SSX2IP: variants seen among roughly 807,000 people sequenced by gnomAD.
The protein encoded by SSX2IP is afadin- and alpha-actinin-binding protein.
SSX2IP carries 55 observed loss-of-function variants against 84.9 expected under a neutral mutation model. The ratio of observed to expected loss-of-function variants is 0.65; its 90% CI spans 0.52 to 0.81. The LOEUF is 0.81. SSX2IP is among the 30% of genes least tolerant of loss of function. SSX2IP has a pLI of 0.00. For missense variants in SSX2IP, 664 were observed against 705.2 expected (o/e 0.94, Z 0.66); for synonymous variants, 239 against 234.7 (o/e 1.02, Z -0.17).
intron 1 of SSX2IP, among the ~76,000 whole-genome samples, chr1:84,684,073 A>G (rs1655457806): frequency 6.6e-6 from 1 of 152,244 alleles, no homozygotes; most frequent in African/African-American, 2.4e-5. Flanking sequence ...TACTAAAGGC[A>G]TTGGAAATAA....
In SSX2IP at chr1:84,651,925, G is replaced by C. The variant is rs1166977102; in HGVS notation, c.1462C>G (p.Gln488Glu). 1 of 1,613,610 alleles carries C rather than the reference G, an allele frequency of 6.2e-7. No individual in the cohort carries two copies. Residue 488 changes from glutamine to glutamate, a missense_variant, in exon 12 of 14, where the codon CAG becomes GAG. Transcript: ENST00000342203. ...AAAAGTTTCACATTTTCTGAGTTCT[G>C]GTGGTCAAAGGTAGTCATATTTAGA... ...QFLNMTTFDH[Q>E]NSENVKLFSA...
intron 1 of SSX2IP, among the ~76,000 whole-genome samples, chr1:84,688,158 A>G (rs890151410): frequency 6.6e-5 from 10 of 152,242 alleles, no homozygotes; most frequent in African/African-American, 2.4e-4. Context: ...TACATAAAAC[A>G]TTGGCCCACA....
In SSX2IP at chr1:84,644,399, A is replaced by T. The variant is rs889321206; in HGVS notation, c.*3034T>A. On this transcript the variant is annotated 3_prime_UTR_variant, in exon 14 of 14. Coordinates refer to ENST00000342203, the MANE Select transcript of SSX2IP (RefSeq NM_001166293.2). ...CTTATCTGTCTTCATATCACCAAGG[A>T]TTGGAAAGCAGTAGTAAGCCTTGAC... 6.6e-6 allele frequency: 1 copy of T among 152,198 alleles called. No homozygotes were observed. The highest frequency in any genetic ancestry group is 2.4e-5 in the African/African-American group (1 of 41,446). The allele number at this position is 152,198 out of a possible 1,614,324, so 9.4% of individuals were successfully genotyped here.
At chr1:84,657,083 G>A (rs1304058736) in intron 9 of SSX2IP, among the ~76,000 whole-genome samples, 1 of 152,010 alleles carries the variant, frequency 6.6e-6, no homozygotes, top group Non-Finnish European at 1.5e-5. Context: ...TTAACACAAT[G>A]GCACTGAGTT....
intron 1 of SSX2IP, among the ~76,000 whole-genome samples, chr1:84,674,581 T>C (rs1362389175): frequency 6.6e-6 from 1 of 152,186 alleles, no homozygotes; most frequent in African/African-American, 2.4e-5. Flanking sequence ...TTTCTCCTTA[T>C]ACAGAAAGAA....
intron 9 of SSX2IP, among the ~76,000 whole-genome samples, 165 bp from the exon 10 acceptor site, chr1:84,656,649 G>A (rs1299149377): frequency 6.6e-6 from 1 of 152,022 alleles, no homozygotes; most frequent in African/African-American, 2.4e-5. Flanking sequence ...AATTTCATAA[G>A]CTATAACAAA....
At position 84,655,946 on chromosome 1, in the gene SSX2IP, C is replaced by T. The variant is rs1259291404; in HGVS notation, c.1275G>A (p.Leu425=). 1.9e-6 allele frequency: 3 copies of T among 1,613,664 alleles called. No individual in the cohort carries two copies. The highest frequency in any genetic ancestry group is 1.7e-5 in the Admixed American group (1 of 59,996). ...DTTSLLRDCY[L]LEEKERLKEE... ...CTTTGAGACGTTCCTTTTCTTCCAACAAATAACAGTCTCGTAATAGTGAAG... is the reference window on the plus strand; with the variant it reads ...CTTTGAGACGTTCCTTTTCTTCCAATAAATAACAGTCTCGTAATAGTGAAG... Residue 425 remains leucine, a synonymous_variant, in exon 11 of 14, where the codon TTG becomes TTA. Coordinates refer to ENST00000342203, the MANE Select transcript of SSX2IP (RefSeq NM_001166293.2).
intron 9 of SSX2IP, among the ~76,000 whole-genome samples, chr1:84,657,554 G>C (rs750524565): frequency 6.7e-6 from 1 of 150,188 alleles, no homozygotes; most frequent in Non-Finnish European, 1.5e-5. Flanking sequence ...CTTGATTTTT[G>C]AGAGTCAGTA....
At chr1:84,660,065 A>T (rs1651717126) in intron 8 of SSX2IP, among the ~76,000 whole-genome samples, 1 of 152,164 alleles carries the variant, frequency 6.6e-6, no homozygotes, top group African/African-American at 2.4e-5. Flanking sequence ...TTTTACAAGT[A>T]AGTAGGTCAA....
chr1:84,659,413 C>T (rs1278836199), intron 8 of SSX2IP, among the ~76,000 whole-genome samples: 1 of 152,168 alleles, frequency 6.6e-6, no homozygotes, highest in Non-Finnish European at 1.5e-5. Context: ...CCTGCCAATA[C>T]TCAAAAGCTA....
At chr1:84,655,681 G>C in intron 11 of SSX2IP, 151 bp downstream of exon 11, 1 of 1,437,724 alleles carries the variant, frequency 7.0e-7, no homozygotes, top group Non-Finnish European at 9.3e-7. Context: ...TATATGCTCA[G>C]CCTCCCTCTC....
At position 84,670,715 on chromosome 1, in the gene SSX2IP, A is replaced by C; in HGVS notation, c.144T>G (p.Asn48Lys). Residue 48 changes from asparagine to lysine, a missense_variant, in exon 3 of 14, where the codon AAT becomes AAG. By Grantham distance (94) the Asn-to-Lys change is moderately conservative. Coordinates refer to ENST00000342203, the MANE Select transcript of SSX2IP (RefSeq NM_001166293.2). ...AGAAGGCACTGAAAAAACTGTGCAC[A>C]TTTTTCGATAAAGGTATTGAAGAAC... ...VLCSSIPLSK[N>K]VHSFFSAFCT... The C allele has an allele frequency of 6.2e-7, 1 of 1,613,166 alleles. No individual in the cohort carries two copies. The highest frequency in any genetic ancestry group is 8.5e-7 in the Non-Finnish European group (1 of 1,179,378).
chr1:84,673,714 A>T (rs1479523843), intron 1 of SSX2IP, among the ~76,000 whole-genome samples: 18 of 152,198 alleles, frequency 1.2e-4, no homozygotes, highest in Admixed American at 1.2e-3. Flanking sequence ...TGTTCTGGAG[A>T]CAGAACCTTC....
At chr1:84,677,432 G>A (rs1433472276) in intron 1 of SSX2IP, among the ~76,000 whole-genome samples, 2 of 152,064 alleles carry the variant, frequency 1.3e-5, no homozygotes, top group Non-Finnish European at 2.9e-5. Context: ...CCCCAAAGAC[G>A]AAGAGGTTCT....
rs74442984 is a variant in SSX2IP, at chr1:84,684,283, C to T, written c.-90+6088G>A. Among the ~76,000 whole-genome samples, 11 of 152,244 alleles carry T rather than the reference C, an allele frequency of 7.2e-5. No individual in the cohort carries two copies. In the East Asian group the frequency reaches 9.6e-4, roughly 13 times the overall value. ...AACTTTAGTGGTGGGAGAACCTCCA[C>T]GTAATTCTGACAAAGTTTGAGAATC... On this transcript the variant is annotated intron_variant, in intron 1 of 13. Coordinates refer to ENST00000342203, the MANE Select transcript of SSX2IP (RefSeq NM_001166293.2).
Position 84,645,409 on chromosome 1 carries a change from C to A in SSX2IP, c.*2024G>T, listed in dbSNP as rs1244186695. On this transcript the variant is annotated 3_prime_UTR_variant, in exon 14 of 14. Transcript: ENST00000342203. ...TGCAATGAGTCTGGCTTTTACTCTGCTGTTTCTTTCACACTTTAGATTTTA... is the reference window on the plus strand; with the variant it reads ...TGCAATGAGTCTGGCTTTTACTCTGATGTTTCTTTCACACTTTAGATTTTA... The A allele has an allele frequency of 2.6e-5, 4 of 152,154 alleles. No homozygotes were observed. Among genetic ancestry groups the A allele is most frequent in the Non-Finnish European group, 5.9e-5 (4 of 68,032 alleles). The allele number at this position is 152,154 out of a possible 1,614,324, so 9.4% of individuals were successfully genotyped here.
At chr1:84,676,156 A>G (rs1052973721) in intron 1 of SSX2IP, among the ~76,000 whole-genome samples, 4 of 152,258 alleles carry the variant, frequency 2.6e-5, no homozygotes, top group Admixed American at 1.3e-4. Context: ...TGAACATTAA[A>G]TAATTAAAAT....
rs2994949 is a variant in SSX2IP at position 84,647,520 on chromosome 1, T to C, written c.1758A>G (p.Ala586=). Residue 586 remains alanine (A), a synonymous_variant, in exon 14 of 14, where the codon GCA becomes GCG. Coordinates refer to ENST00000342203, the MANE Select transcript of SSX2IP (RefSeq NM_001166293.2). ...AACCTTCCTGTGATCCAGGTCTTGA[T>C]GCCACACTCCATTTTTGATTTGTAC... The part of the protein sequence containing the change: ...GECTNQKWSV[A]SRPGSQEGCY... 1,345,089 of 1,611,560 alleles carry C rather than the reference T, an allele frequency of 0.83. 563,996 individuals carry two copies. Among genetic ancestry groups the C allele is most frequent in the Admixed American group, 0.86 (51,296 of 59,784 alleles).
chr1:84,653,864 C>T (rs914185835), intron 11 of SSX2IP, among the ~76,000 whole-genome samples: 2 of 37,222 alleles, frequency 5.4e-5, no homozygotes, highest in Non-Finnish European at 1.5e-4. Flanking sequence ...AAAAATGTAA[C>T]AAATATTATC....
Sources: allele counts gnomAD v4.1 joint callset (sites outside exome capture counted in the v4.1 genomes callset), GRCh38; gene constraint gnomAD v4.1.1; transcripts MANE v1.5; gene names NCBI Gene and HGNC (gene_info 2026-07-23, HGNC 2026-07-21).